EFL1: variants seen among roughly 807,000 people sequenced by gnomAD.
EFL1 encodes elongation factor-like GTPase 1.
EFL1 carries 76 observed loss-of-function variants against 126.7 expected under a neutral mutation model. That is an observed-to-expected ratio of 0.60 (90% CI 0.50 to 0.73). EFL1 has a LOEUF of 0.73. Ranked by LOEUF, EFL1 falls within the 30% of genes least tolerant of loss-of-function variation. EFL1 has a pLI of 0.00. For synonymous variants in EFL1, 410 were observed against 448.4 expected, an observed-to-expected ratio of 0.91 and a Z score of 1.08; for missense variants, 1,128 against 1,343.2, an observed-to-expected ratio of 0.84 and a Z score of 2.50.
At chr15:82,175,275 G>GAAGTAACAATATTAGGCAA (rs2074182616) in intron 15 of EFL1, among the ~76,000 whole-genome samples, 1 of 152,132 alleles carries the variant, frequency 6.6e-6, no homozygotes, top group Non-Finnish European at 1.5e-5. Flanking sequence ...CAGCTTACTT[G>GAAGTAACAATATTAGGCAA]AAGTAACAAT....
intron 15 of EFL1, among the ~76,000 whole-genome samples, chr15:82,180,364 A>C (rs74665648): frequency 0.039 from 3,302 of 85,134 alleles, 47 homozygotes; most frequent in African/African-American, 0.07. Context: ...ACTGGCAAAA[A>C]AAAAAAAACA....
intron 11 of EFL1, among the ~76,000 whole-genome samples, chr15:82,226,480 G>A (rs1266515495): frequency 6.6e-6 from 1 of 152,118 alleles, no homozygotes; most frequent in Non-Finnish European, 1.5e-5. Context: ...TAAATATAAG[G>A]GCCATAGATG....
At position 82,155,823 on chromosome 15, in the gene EFL1, T is replaced by C. The variant is rs370508441; in HGVS notation, c.2030+1890A>G. 9.2e-5 allele frequency among the ~76,000 whole-genome samples: 14 copies of C among 152,374 alleles called. No homozygotes were observed. In the East Asian group the frequency reaches 2.7e-3, roughly 29 times the overall value. The stretch of plus-strand genomic sequence containing the variant: ...TTGATTTTAATTTGCATTCCATCAA[T>C]TAGTAATAAGTTGAATAGTCTTTCA... On this transcript the variant is annotated intron_variant, in intron 17 of 19. Coordinates refer to ENST00000268206, the MANE Select transcript of EFL1 (RefSeq NM_024580.6).
intron 15 of EFL1, among the ~76,000 whole-genome samples, chr15:82,202,589 C>T (rs1348619702): frequency 6.6e-6 from 1 of 152,054 alleles, no homozygotes; most frequent in Non-Finnish European, 1.5e-5. Flanking sequence ...AAATAAGAAA[C>T]CAAGGATCGG....
intron 15 of EFL1, among the ~76,000 whole-genome samples, chr15:82,180,822 G>A (rs1044990038): frequency 6.6e-6 from 1 of 151,744 alleles, no homozygotes; most frequent in African/African-American, 2.4e-5. Context: ...TACCTTCCCA[G>A]GCTCAGGGGG....
At chr15:82,240,651 G>A in intron 5 of EFL1, 96 bp from the exon 6 acceptor site, 1 of 1,408,800 alleles carries the variant, frequency 7.1e-7, no homozygotes, top group Non-Finnish European at 9.7e-7. Context: ...GACTATGCCA[G>A]TCAGACAAAG....
At chr15:82,204,088 C>T (rs931582697) in intron 15 of EFL1, among the ~76,000 whole-genome samples, 4 of 152,152 alleles carry the variant, frequency 2.6e-5, no homozygotes, top group African/African-American at 9.7e-5. Flanking sequence ...ACATTTTTGT[C>T]ATTTTAATGG....
At chr15:82,175,656 C>T (rs1806166288) in intron 15 of EFL1, among the ~76,000 whole-genome samples, 2 of 152,152 alleles carry the variant, frequency 1.3e-5, no homozygotes, top group South Asian at 4.1e-4. Context: ...AGTTAAAAGA[C>T]CAGCCTGGCC....
chr15:82,146,074 C>A (rs2141221766), intron 18 of EFL1, among the ~76,000 whole-genome samples: 1 of 151,980 alleles, frequency 6.6e-6, no homozygotes, highest in Admixed American at 6.5e-5. Context: ...TGATAATAAA[C>A]CACATCTTTA....
intron 15 of EFL1, among the ~76,000 whole-genome samples, chr15:82,170,106 CTTTTTTTTTT>C (rs760955432): frequency 2.5e-5 from 2 of 78,856 alleles, no homozygotes; most frequent in African/African-American, 5.2e-5. Flanking sequence ...CACTGGATGT[CTTTTTTTTTT>C]TTTTTTTTTT....
chr15:82,211,581 CTA>C (rs1450347869), intron 15 of EFL1, among the ~76,000 whole-genome samples: 3 of 73,322 alleles, frequency 4.1e-5, no homozygotes, highest in African/African-American at 1.5e-4. Flanking sequence ...CACACACACA[CTA>C]GACACATACT....
chr15:82,141,832 T>C (rs2073792284), intron 18 of EFL1, among the ~76,000 whole-genome samples: 1 of 152,200 alleles, frequency 6.6e-6, no homozygotes, highest in Non-Finnish European at 1.5e-5. Context: ...GCTGCCTGAC[T>C]GCTGCTGCAT....
chr15:82,256,470 A>G (rs920907895), intron 3 of EFL1, among the ~76,000 whole-genome samples: 3 of 151,946 alleles, frequency 2.0e-5, no homozygotes, highest in African/African-American at 7.3e-5. Context: ...TTTTCTTTCC[A>G]GCTTTATCAC....
At chr15:82,253,297 C>A (rs2075040080) in intron 3 of EFL1, among the ~76,000 whole-genome samples, 1 of 152,034 alleles carries the variant, frequency 6.6e-6, no homozygotes. Flanking sequence ...ACCTCAGTCT[C>A]CCAAAGTGCT....
At chr15:82,130,705 G>T in intron 19 of EFL1, 144 bp from the exon 20 acceptor site, 1 of 886,198 alleles carries the variant, frequency 1.1e-6, no homozygotes, top group Non-Finnish European at 1.7e-6. Context: ...ATGGTAATAA[G>T]TATGAAGAAT....
intron 19 of EFL1, among the ~76,000 whole-genome samples, chr15:82,132,719 C>T (rs921207247): frequency 1.5e-5 from 2 of 134,370 alleles, no homozygotes; most frequent in Non-Finnish European, 3.2e-5. Flanking sequence ...CAGACAAGGG[C>T]GAATGGATGG....
At chr15:82,186,048 C>CT (rs1213882036) in intron 15 of EFL1, among the ~76,000 whole-genome samples, 1 of 151,784 alleles carries the variant, frequency 6.6e-6, no homozygotes, top group East Asian at 1.9e-4. Context: ...TTAATTTTTG[C>CT]TTTTTTCTTT....
At chr15:82,209,784 C>T (rs1470000482) in intron 15 of EFL1, among the ~76,000 whole-genome samples, 2 of 152,170 alleles carry the variant, frequency 1.3e-5, no homozygotes, top group Non-Finnish European at 2.9e-5. Context: ...CTACACTTAT[C>T]GGCACACATA....
Position 82,227,552 on chromosome 15 carries a change from G to A in EFL1, c.1090C>T (p.Pro364Ser), listed in dbSNP as rs2074777679. 4 of 1,614,120 alleles carry A rather than the reference G, an allele frequency of 2.5e-6. No homozygotes were observed. The highest frequency in any genetic ancestry group is 3.4e-6 in the Non-Finnish European group (4 of 1,180,004). The change falls in exon 11 of 20, where the codon CCT becomes TCT. Residue 364 changes from proline to serine, a missense_variant. Pro to Ser is a moderately conservative substitution (Grantham distance 74). This residue lies in a region of EFL1 where 316 missense variants were observed against 318.5 expected (regional missense o/e 0.99). Transcript: ENST00000268206. ...TCAGCTGTAATATCAAGGGGACTAG[G>A]AAGTTTCTGACACACCATAGCTGAA... ...AVLAMVCQKL[P>S]SPLDITAERV...
Sources: allele counts gnomAD v4.1 joint callset (sites outside exome capture counted in the v4.1 genomes callset), GRCh38; gene constraint gnomAD v4.1.1; regional missense constraint gnomAD v4.1.1; transcripts MANE v1.5; gene names NCBI Gene and HGNC (gene_info 2026-07-23, HGNC 2026-07-21).